Variants in PC observed in about 807,000 individuals in gnomAD.
PC encodes pyruvate carboxylase, also known as pyruvate carboxylase, mitochondrial.
A neutral mutation model predicts 107.8 loss-of-function variants in PC; 46 were observed. That is an observed-to-expected ratio of 0.43 (90% CI 0.34 to 0.55). The LOEUF (loss-of-function observed/expected upper bound fraction) is 0.55. Ranked by LOEUF, PC falls within the 20% of genes least tolerant of loss-of-function variation. The pLI is 0.04. For missense variants in PC, 1,241 were observed against 1,643.1 expected (o/e 0.76, Z 4.23); for synonymous variants, 662 against 684.7 (o/e 0.97, Z 0.52).
intron 1 of PC, among the ~76,000 whole-genome samples, chr11:66,954,789 C>G (rs1379076003): frequency 6.6e-6 from 1 of 152,028 alleles, no homozygotes; most frequent in African/African-American, 2.4e-5. Flanking sequence ...ACTAAAGATA[C>G]AAAAATTAGC....
rs550546666 is a variant in PC, at chr11:66,863,829, G to A, written c.1313C>T (p.Thr438Met). ...KVIAHGKDHP[T>M]AATKMSRALA... ...GGCCCTGCTCATCTTGGTGGCGGCC[G>A]TGGGGTGGTCTTTGCCGTGGGCAAT... Residue 438 changes from threonine to methionine, a missense_variant, in exon 12 of 23, where the codon ACG becomes ATG. Thr to Met is a moderately conservative substitution (Grantham distance 81, BLOSUM62 -1). Around this residue, in one of 2 missense-constraint regions of PC, gnomAD observed 1,143 missense variants for 1,551.9 expected, o/e 0.74. Coordinates refer to ENST00000393960, the MANE Select transcript of PC (RefSeq NM_001040716.2). 1.6e-5 allele frequency: 26 copies of A among 1,613,834 alleles called. No homozygotes were observed. The Admixed American group carries it at 2.8e-4, about 18-fold the overall frequency.
chr11:66,893,105 T>G (rs1430543568), intron 3 of PC, among the ~76,000 whole-genome samples: 1 of 152,190 alleles, frequency 6.6e-6, no homozygotes, highest in Admixed American at 6.5e-5. Flanking sequence ...GAGATTCTGC[T>G]GTCCAGCTGC....
rs1248936193 is a variant in PC at position 66,944,872 on chromosome 11, C to G, written c.-1+7558G>C. Among the ~76,000 whole-genome samples, 3 of 116,906 alleles carry G rather than the reference C, an allele frequency of 2.6e-5. 1 individual carries two copies. The highest frequency in any genetic ancestry group is 5.7e-5 in the Non-Finnish European group (3 of 52,656). The allele number at this position is 116,906 out of a possible 152,430, so 76.7% of individuals were successfully genotyped here. ...TCAAACTGCATTAATAATTCTCAAC[C>G]AGGTCCACTCACCACCTACAAGCTT... On this transcript the variant is annotated intron_variant, in intron 3 of 22. Coordinates refer to ENST00000393960, the MANE Select transcript of PC (RefSeq NM_001040716.2).
At position 66,849,070 on chromosome 11, in the gene PC, G is replaced by A. The variant is rs1945312746; in HGVS notation, c.3366C>T (p.Asp1122=). The change falls in exon 23 of 23, where the codon GAC becomes GAT. Residue 1122 remains aspartate, a synonymous_variant. Coordinates refer to ENST00000393960, the MANE Select transcript of PC (RefSeq NM_001040716.2). ...IGAPMPGKVI[D]IKVVAGAKVA... is the part of the protein sequence containing the mutation. The stretch of plus-strand genomic sequence containing the variant: ...CCTTGGCCCCTGCCACCACTTTGAT[G>A]TCTATCACCTTCCCAGGCATGGGCG... The A allele has an allele frequency of 2.5e-6, 4 of 1,613,998 alleles. No homozygotes were observed. Among genetic ancestry groups the A allele is most frequent in the Non-Finnish European group, 2.5e-6 (3 of 1,180,052 alleles).
At chr11:66,855,491 G>T (rs955213478) in intron 12 of PC, among the ~76,000 whole-genome samples, 3 of 152,158 alleles carry the variant, frequency 2.0e-5, no homozygotes, top group Non-Finnish European at 4.4e-5. Context: ...TAGAGATGGG[G>T]TTTCGCCATG....
chr11:66,873,241 G>A (rs1946811123), intron 3 of PC, among the ~76,000 whole-genome samples: 1 of 146,216 alleles, frequency 6.8e-6, no homozygotes, highest in Admixed American at 7.3e-5. Flanking sequence ...TTGGGAGGGT[G>A]AGGCATGAGA....
At chr11:66,918,297 G>A (rs1194908785) in intron 3 of PC, among the ~76,000 whole-genome samples, 1 of 137,404 alleles carries the variant, frequency 7.3e-6, no homozygotes, top group African/African-American at 2.5e-5. Flanking sequence ...CACTTTGGGA[G>A]GCTGAGGCAG....
intron 3 of PC, among the ~76,000 whole-genome samples, chr11:66,927,934 A>G (rs780932098): frequency 3.3e-5 from 5 of 152,180 alleles, no homozygotes; most frequent in Admixed American, 6.5e-5. Flanking sequence ...GAAGAGACAG[A>G]GAGGGAACTA....
At chr11:66,908,592 C>T (rs925578779) in intron 3 of PC, among the ~76,000 whole-genome samples, 3 of 152,218 alleles carry the variant, frequency 2.0e-5, no homozygotes, top group Non-Finnish European at 4.4e-5. Context: ...CCAGGCTGAG[C>T]TCTGACCAGC....
intron 3 of PC, among the ~76,000 whole-genome samples, chr11:66,876,569 G>A (rs1422004739): frequency 1.3e-5 from 2 of 152,208 alleles, no homozygotes; most frequent in Admixed American, 6.5e-5. Flanking sequence ...GCTCAGGTGT[G>A]GAGACACCCT....
chr11:66,865,759 T>C (rs781219450), intron 11 of PC, among the ~76,000 whole-genome samples: 27 of 152,036 alleles, frequency 1.8e-4, no homozygotes, highest in Non-Finnish European at 3.5e-4. Flanking sequence ...TCAGACTCCA[T>C]TGGGACCTCT....
intron 3 of PC, among the ~76,000 whole-genome samples, chr11:66,903,200 A>G (rs903686949): frequency 1.3e-5 from 2 of 152,128 alleles, no homozygotes; most frequent in Admixed American, 6.5e-5. Context: ...TGCCTTTCCC[A>G]TCTTCTTAGT....
intron 16 of PC, 148 bp from the exon 17 acceptor site, chr11:66,851,428 G>T: frequency 8.2e-7 from 1 of 1,214,202 alleles, no homozygotes; most frequent in Non-Finnish European, 1.2e-6. Context: ...CACAGGCGGG[G>T]GGTGGCCACA....
At chr11:66,921,563 G>T (rs1476810789) in intron 3 of PC, among the ~76,000 whole-genome samples, 2 of 152,138 alleles carry the variant, frequency 1.3e-5, no homozygotes, top group East Asian at 3.9e-4. Context: ...GCCCTCTGGG[G>T]GTGGTGGCTT....
chr11:66,853,390 G>A lies in PC; in HGVS notation c.1369-7C>T, dbSNP rs2135822235. 1 of 1,612,866 alleles carries A rather than the reference G, an allele frequency of 6.2e-7. No individual in the cohort carries two copies. Among genetic ancestry groups the A allele is most frequent in the East Asian group, 2.2e-5 (1 of 44,852 alleles). On this transcript the variant is annotated splice_region_variant and splice_polypyrimidine_tract_variant and intron_variant, in intron 12 of 22. Transcript: ENST00000393960. ...GCAGGAAGGCGATGTTGGTCTGCAGGACAGAGGCGGGTGGGAGGGGGTCAC... is the reference window on the plus strand; with the variant it reads ...GCAGGAAGGCGATGTTGGTCTGCAGAACAGAGGCGGGTGGGAGGGGGTCAC...
In PC at chr11:66,866,035, C is replaced by T; in HGVS notation, c.1185+152G>A. On this transcript the variant is annotated intron_variant, in intron 11 of 22. Transcript: ENST00000393960. The surrounding 1 kb of genome is among the most constrained non-coding windows in gnomAD (Gnocchi z 5.4). The stretch of plus-strand genomic sequence containing the variant: ...GGCGCCGCCCCTCCTCTGGGCACTG[C>T]CTGCCTCCGTGTACTCTATGTCCAC... 1 of 872,370 alleles carries T rather than the reference C, an allele frequency of 1.1e-6. No individual in the cohort carries two copies. Among genetic ancestry groups the T allele is most frequent in the South Asian group, 1.7e-5 (1 of 58,892 alleles). The allele number at this position is 872,370 out of a possible 1,614,324, so 54.0% of individuals were successfully genotyped here. A position where few individuals can be genotyped will look rare whatever the true frequency, so the allele number is the denominator to read the frequency against.
chr11:66,849,749 C>T lies in PC; in HGVS notation c.3009G>A (p.Thr1003=), dbSNP rs377272205. The change falls in exon 21 of 23, where the codon ACG becomes ACA. Residue 1003 remains threonine (T), a synonymous_variant. Coordinates refer to ENST00000393960, the MANE Select transcript of PC (RefSeq NM_001040716.2). ...TAGCTGCTGAGAGCACATCTTCCGGCGTCACCTCCTCCCCATGCCGGTCTA... is the reference window on the plus strand; with the variant it reads ...TAGCTGCTGAGAGCACATCTTCCGGTGTCACCTCCTCCCCATGCCGGTCTA... The part of the protein sequence containing the change: ...ELVDRHGEEV[T]PEDVLSAAMY... 105 of 1,614,194 alleles carry T rather than the reference C, an allele frequency of 6.5e-5. No individual in the cohort carries two copies. Among genetic ancestry groups the T allele is most frequent in the South Asian group, 7.7e-5 (7 of 91,088 alleles).
intron 3 of PC, among the ~76,000 whole-genome samples, chr11:66,932,905 A>C: frequency 6.6e-6 from 1 of 152,194 alleles, no homozygotes; most frequent in East Asian, 1.9e-4. Flanking sequence ...ATGAATATCA[A>C]GAAGTAGTTG....
At chr11:66,956,318 C>T (rs184574122) in intron 1 of PC, among the ~76,000 whole-genome samples, 1 of 152,200 alleles carries the variant, frequency 6.6e-6, no homozygotes, top group African/African-American at 2.4e-5. Context: ...GGCATGATGG[C>T]TCATGCCTAT....
Sources: gnomAD v4.1 joint callset for allele counts (sites outside exome capture counted in the v4.1 genomes callset) on GRCh38, gnomAD v4.1.1 for gene constraint, gnomAD v4.1.1 regional missense constraint, Gnocchi (gnomAD v3.1) non-coding constraint, MANE v1.5 for transcripts, NCBI Gene and HGNC (gene_info 2026-07-23, HGNC 2026-07-21) for gene names.